Variants in TNS1 observed in about 807,000 individuals in gnomAD.
The protein encoded by TNS1 is tensin 1.
TNS1 carries 62 observed loss-of-function variants against 168.6 expected under a neutral mutation model. That is an observed-to-expected ratio of 0.37 (90% confidence interval 0.30 to 0.45). TNS1 has a LOEUF of 0.45. Among genes scored for constraint, TNS1 ranks in the 20% least tolerant of loss-of-function variants. The pLI is 1.00. For synonymous variants in TNS1, 934 were observed against 933.2 expected (o/e 1.00, Z -0.02); for missense variants, 2,240 against 2,339.4 (o/e 0.96, Z 0.88).
At chr2:218,031,137 T>TGTGA (rs1958891551) in intron 1 of TNS1, among the ~76,000 whole-genome samples, 3 of 144,146 alleles carry the variant, frequency 2.1e-5, no homozygotes, top group East Asian at 2.1e-4. Flanking sequence ...TGTGTGTGTG[T>TGTGA]GTGTATGTGT....
At chr2:217,910,713 T>TACACACACACACACACACACAC (rs10554233) in intron 4 of TNS1, among the ~76,000 whole-genome samples, 2 of 106,740 alleles carry the variant, frequency 1.9e-5, no homozygotes, top group South Asian at 7.1e-4. Flanking sequence ...CACATACACA[T>TACACACACACACACACACACAC]ACACACACAC....
chr2:217,942,797 A>C (rs1458881115), intron 3 of TNS1, among the ~76,000 whole-genome samples: 1 of 143,992 alleles, frequency 6.9e-6, no homozygotes, highest in African/African-American at 2.6e-5. Context: ...CTCCTCCTCC[A>C]TCTCCTCCCC....
At chr2:217,969,407 G>A (rs185501887) in intron 3 of TNS1, among the ~76,000 whole-genome samples, 12 of 151,996 alleles carry the variant, frequency 7.9e-5, no homozygotes, top group Non-Finnish European at 2.9e-5. Context: ...CTTGGATTTG[G>A]CAATAAATTC....
At chr2:217,807,599 G>A (rs1939411236) in intron 32 of TNS1, among the ~76,000 whole-genome samples, 1 of 152,162 alleles carries the variant, frequency 6.6e-6, no homozygotes, top group African/African-American at 2.4e-5. Flanking sequence ...CTGGATGGAG[G>A]AATCCACCCG....
At chr2:217,920,375 CA>C in intron 3 of TNS1, 139 bp from the exon 4 acceptor site, 2 of 649,004 alleles carry the variant, frequency 3.1e-6, no homozygotes, top group South Asian at 1.7e-5. Context: ...AGTTCTTCAG[CA>C]GACTATGGAG....
chr2:218,031,821 CCAG>C (rs1196618049), intron 1 of TNS1, among the ~76,000 whole-genome samples: 1 of 152,158 alleles, frequency 6.6e-6, no homozygotes, highest in Admixed American at 6.5e-5. Context: ...GGACCAGGCC[CCAG>C]GAGAACGTCT....
chr2:217,971,449 C>T (rs1957772203), intron 3 of TNS1, among the ~76,000 whole-genome samples: 1 of 152,204 alleles, frequency 6.6e-6, no homozygotes, highest in African/African-American at 2.4e-5. Context: ...TATGACATTG[C>T]AATTTCTTTA....
At chr2:217,838,158 A>C (rs1945426343) in intron 19 of TNS1, among the ~76,000 whole-genome samples, 1 of 152,272 alleles carries the variant, frequency 6.6e-6, no homozygotes, top group Non-Finnish European at 1.5e-5. Flanking sequence ...CTCTGCCCCC[A>C]GCAGCTCTTT....
At chr2:217,954,650 G>GGA (rs1957316936) in intron 3 of TNS1, among the ~76,000 whole-genome samples, 4 of 152,152 alleles carry the variant, frequency 2.6e-5, no homozygotes, top group African/African-American at 7.2e-5. Flanking sequence ...AGAGAGTCCA[G>GGA]TGCCAACTCC....
chr2:218,029,259 G>A (rs1191044807), intron 1 of TNS1, among the ~76,000 whole-genome samples: 2 of 152,120 alleles, frequency 1.3e-5, no homozygotes, highest in Non-Finnish European at 2.9e-5. Context: ...CATTACAAAG[G>A]GACATAAGAG....
chr2:217,821,803 A>G lies in TNS1; in HGVS notation c.3509T>C (p.Leu1170Pro). ...GCTGGGGGAGACAAAGGAGCCACCC[A>G]GGGTCCCGTTCCTCAGGGGTATCTC... ...GHEIPLRNGT[L>P]GGSFVSPSPL... The change falls in exon 23 of 33, where the codon CTG becomes CCG. Residue 1170 changes from leucine to proline, a missense_variant. Physicochemically the swap from Leu to Pro is moderately conservative, Grantham distance 98 (BLOSUM62 -3). Around this residue, in one of 2 missense-constraint regions of TNS1, gnomAD observed 2,131 missense variants for 2,171.2 expected, o/e 0.98. Transcript: ENST00000682258. 6.5e-7 allele frequency: 1 copy of G among 1,545,028 alleles called. No homozygotes were observed. The highest frequency in any genetic ancestry group is 2.1e-5 in the Admixed American group (1 of 47,594).
upstream of TNS1, among the ~76,000 whole-genome samples, chr2:218,012,657 T>TA (rs1416582694): frequency 6.6e-6 from 1 of 151,438 alleles, no homozygotes; most frequent in Admixed American, 6.6e-5. Context: ...CCATACCCCA[T>TA]ATAGCTTCAT....
chr2:217,910,413 C>T (rs895147245), intron 4 of TNS1, among the ~76,000 whole-genome samples: 9 of 152,260 alleles, frequency 5.9e-5, no homozygotes, highest in African/African-American at 2.2e-4. Context: ...GCCCGACCCT[C>T]CTCTGCCCTC....
intron 11 of TNS1, 107 bp from the exon 12 acceptor site, chr2:217,891,152 C>T (rs1951704744): frequency 9.8e-7 from 1 of 1,021,970 alleles, no homozygotes; most frequent in Non-Finnish European, 1.5e-6. Flanking sequence ...GGCCAAAGAG[C>T]ACCTTTGTCC....
intron 18 of TNS1, among the ~76,000 whole-genome samples, chr2:217,856,447 G>C (rs1948147695): frequency 6.6e-6 from 1 of 152,152 alleles, no homozygotes; most frequent in Non-Finnish European, 1.5e-5. Flanking sequence ...AGACAGCTGG[G>C]GATTGAGGCA....
At chr2:217,909,393 A>T (rs1441369880) in intron 4 of TNS1, among the ~76,000 whole-genome samples, 1 of 152,088 alleles carries the variant, frequency 6.6e-6, no homozygotes, top group East Asian at 1.9e-4. Flanking sequence ...AGGGTGGACA[A>T]GCTAGAGATG....
At chr2:218,013,874 G>A (rs1332989491), upstream of TNS1, among the ~76,000 whole-genome samples, 3 of 152,184 alleles carry the variant, frequency 2.0e-5, no homozygotes, top group East Asian at 1.9e-4. Context: ...TCTATGGCCA[G>A]GTGGGATGGA....
intron 3 of TNS1, among the ~76,000 whole-genome samples, chr2:217,934,032 A>T (rs1199813348): frequency 6.6e-6 from 1 of 152,226 alleles, no homozygotes; most frequent in African/African-American, 2.4e-5. Flanking sequence ...TAATCCTTCC[A>T]ACAAGAGATT....
At chr2:217,879,644 C>G (rs1314994904) in intron 18 of TNS1, 2 of 283,522 alleles carry the variant, frequency 7.1e-6, no homozygotes, top group Non-Finnish European at 1.4e-5. Flanking sequence ...CCTCATCCCA[C>G]TTCTCTCTGA....
Sources: allele counts gnomAD v4.1 joint callset (sites outside exome capture counted in the v4.1 genomes callset), GRCh38; gene constraint gnomAD v4.1.1; regional missense constraint gnomAD v4.1.1; transcripts MANE v1.5; gene names NCBI Gene and HGNC (gene_info 2026-07-23, HGNC 2026-07-21).